GLIS1: variants seen among roughly 807,000 people sequenced by gnomAD.
The protein encoded by GLIS1 is zinc finger protein GLIS1.
In GLIS1, 24 loss-of-function variants were observed where a neutral mutation model predicts 63.8. That is an observed-to-expected ratio of 0.38 (90% CI 0.27 to 0.53). GLIS1 has a LOEUF of 0.53. GLIS1 is among the 20% of genes least tolerant of loss of function. The pLI, the probability that GLIS1 is intolerant of heterozygous loss-of-function variation, is 0.85. For missense variants in GLIS1, 1,036 were observed against 1,074.1 expected, an observed-to-expected ratio of 0.96 and a Z score of 0.50; for synonymous variants, 450 against 482.5, an observed-to-expected ratio of 0.93 and a Z score of 0.88.
chr1:53,546,434 C>T (rs1046933885), intron 4 of GLIS1, among the ~76,000 whole-genome samples: 5 of 152,218 alleles, frequency 3.3e-5, no homozygotes, highest in African/African-American at 9.6e-5. Flanking sequence ...GGTGCAGCTT[C>T]GGATCAGGAA....
chr1:53,554,126 C>A (rs1198733981), intron 4 of GLIS1, among the ~76,000 whole-genome samples: 2 of 152,218 alleles, frequency 1.3e-5, no homozygotes, highest in African/African-American at 4.8e-5. Flanking sequence ...CACAAGATGG[C>A]ACCCATTACT....
chr1:53,538,405 T>G (rs17108691), intron 4 of GLIS1, among the ~76,000 whole-genome samples: 6,401 of 152,238 alleles, frequency 0.042, 435 homozygotes, highest in African/African-American at 0.15. Context: ...AAACACCATC[T>G]CACTAATCCT....
chr1:53,682,911 C>T (rs144371922), intron 2 of GLIS1, among the ~76,000 whole-genome samples: 26 of 152,258 alleles, frequency 1.7e-4, no homozygotes, highest in African/African-American at 3.1e-4. Context: ...AAATAATACA[C>T]GATCAACTCT....
At chr1:53,587,194 G>T (rs1200259565) in intron 4 of GLIS1, among the ~76,000 whole-genome samples, 1 of 152,172 alleles carries the variant, frequency 6.6e-6, no homozygotes, top group Non-Finnish European at 1.5e-5. Context: ...AGGGCAGGAA[G>T]AAATAAAGCA....
intron 2 of GLIS1, among the ~76,000 whole-genome samples, chr1:53,621,579 T>C (rs541903354): frequency 6.6e-6 from 1 of 152,360 alleles, no homozygotes; most frequent in Non-Finnish European, 1.5e-5. Flanking sequence ...AATTTCCAAA[T>C]AAACAGTTAC....
chr1:53,549,435 C>A (rs930404840), intron 4 of GLIS1, among the ~76,000 whole-genome samples: 4 of 152,220 alleles, frequency 2.6e-5, no homozygotes, highest in East Asian at 1.9e-4. Flanking sequence ...CTTGTCAACA[C>A]TCGTTATTGG....
chr1:53,688,073 C>T (rs565068043), intron 2 of GLIS1, among the ~76,000 whole-genome samples: 3 of 152,320 alleles, frequency 2.0e-5, no homozygotes, highest in Admixed American at 6.5e-5. Context: ...TTGCTGGAGG[C>T]CAGACTGGCC....
chr1:53,675,310 GATT>G (rs1646199515), intron 2 of GLIS1, among the ~76,000 whole-genome samples: 1 of 152,136 alleles, frequency 6.6e-6, no homozygotes. Flanking sequence ...ACTCACCTGG[GATT>G]ATTATTCCAT....
intron 2 of GLIS1, among the ~76,000 whole-genome samples, chr1:53,665,026 G>A (rs528534912): frequency 6.6e-6 from 1 of 152,272 alleles, no homozygotes; most frequent in Admixed American, 6.5e-5. Context: ...TGTAAGTAAG[G>A]ACTGTGGCTT....
At chr1:53,691,320 G>C (rs1253876010) in intron 2 of GLIS1, among the ~76,000 whole-genome samples, 1 of 152,122 alleles carries the variant, frequency 6.6e-6, no homozygotes, top group African/African-American at 2.4e-5. Context: ...ATCCCCATCT[G>C]ACCCAGCCCT....
At chr1:53,737,340 T>C (rs935787888) in intron 2 of GLIS1, among the ~76,000 whole-genome samples, 1 of 152,216 alleles carries the variant, frequency 6.6e-6, no homozygotes, top group African/African-American at 2.4e-5. Flanking sequence ...AATCATCTGG[T>C]TTAATTAATT....
intron 6 of GLIS1, 93 bp from the exon 7 acceptor site, chr1:53,520,859 GC>G: frequency 7.3e-7 from 1 of 1,378,230 alleles, no homozygotes; most frequent in Non-Finnish European, 9.7e-7. Flanking sequence ...AAGGACTGCA[GC>G]CCCAGGGCAA....
Position 53,736,129 on chromosome 1 carries a change from A to C in GLIS1, c.259+1677T>G, listed in dbSNP as rs185065840. Among the ~76,000 whole-genome samples, 736 of 152,308 alleles carry C rather than the reference A, an allele frequency of 4.8e-3. 11 individuals carry two copies. Among genetic ancestry groups the C allele is most frequent in the South Asian group, 0.01 (50 of 4,828 alleles). The stretch of plus-strand genomic sequence containing the variant: ...AAAAGTTGTGAAACCTCTTGGAAAA[A>C]AGCTTCACCAGAGAGACCAGCTTAA... On this transcript the variant is annotated intron_variant, in intron 2 of 10. Coordinates refer to ENST00000628545, the MANE Select transcript of GLIS1 (RefSeq NM_001367484.1).
intron 1 of GLIS1, among the ~76,000 whole-genome samples, 30 bp downstream of exon 1, chr1:53,739,075 C>G (rs1274657061): frequency 6.6e-6 from 1 of 151,932 alleles, no homozygotes; most frequent in Admixed American, 6.6e-5. Context: ...ACACGCCCCT[C>G]CCTCGGCCGC....
intron 4 of GLIS1, among the ~76,000 whole-genome samples, chr1:53,551,396 G>A (rs1644758086): frequency 6.6e-6 from 1 of 152,226 alleles, no homozygotes; most frequent in Admixed American, 6.5e-5. Flanking sequence ...CCATGCCCGG[G>A]ATGGAGGCCT....
intron 2 of GLIS1, among the ~76,000 whole-genome samples, chr1:53,647,491 T>C (rs1209282705): frequency 3.9e-5 from 6 of 152,134 alleles, no homozygotes; most frequent in East Asian, 1.9e-4. Flanking sequence ...CGGATTTCTA[T>C]ACAATGTCGG....
intron 4 of GLIS1, 28 bp from the exon 5 acceptor site, chr1:53,529,980 C>A: frequency 1.9e-6 from 3 of 1,605,296 alleles, no homozygotes; most frequent in Non-Finnish European, 2.6e-6. Context: ...GAGGGGAACT[C>A]CCAGCCCGGT....
At position 53,585,408 on chromosome 1, in the gene GLIS1, G is replaced by A. The variant is rs540795791; in HGVS notation, c.1320+8700C>T. 4.6e-5 allele frequency among the ~76,000 whole-genome samples: 7 copies of A among 151,984 alleles called. No homozygotes were observed. The East Asian group carries it at 1.4e-3, about 29-fold the overall frequency. ...GGTCTCACAGCTGGTTAAGGGCAGAGTAAGGGATTTGAACCTTAGTGGTTG... is the reference window on the plus strand; with the variant it reads ...GGTCTCACAGCTGGTTAAGGGCAGAATAAGGGATTTGAACCTTAGTGGTTG... On this transcript the variant is annotated intron_variant, in intron 4 of 10. Transcript: ENST00000628545.
Position 53,539,765 on chromosome 1 carries a change from TG to T in GLIS1, c.1321-9814del, listed in dbSNP as rs1644623243. On this transcript the variant is annotated intron_variant, in intron 4 of 10. Coordinates refer to ENST00000628545, the MANE Select transcript of GLIS1 (RefSeq NM_001367484.1). The surrounding 1 kb of genome is among the most constrained non-coding windows in gnomAD (Gnocchi z 5.0). ...ACAGCACACGTGGAAACTGGCCACC[TG>T]GAACATGGATGTGCGTGTGGGGTTC... 6.6e-6 allele frequency among the ~76,000 whole-genome samples: 1 copy of T among 152,102 alleles called. No individual in the cohort carries two copies. Among genetic ancestry groups the T allele is most frequent in the African/African-American group, 2.4e-5 (1 of 41,404 alleles).
Sources: gnomAD v4.1 joint callset for allele counts (sites outside exome capture counted in the v4.1 genomes callset) on GRCh38, gnomAD v4.1.1 for gene constraint, Gnocchi (gnomAD v3.1) non-coding constraint, MANE v1.5 for transcripts, NCBI Gene and HGNC (gene_info 2026-07-23, HGNC 2026-07-21) for gene names.